The following ICA1 variants were observed in gnomAD, a reference collection of about 807,000 sequenced individuals.
ICA1 encodes 69 kDa islet cell autoantigen.
Under a neutral mutation model 71.0 loss-of-function variants are expected in ICA1, and 40 were observed. The observed-to-expected ratio is 0.56, with a 90% confidence interval of 0.44 to 0.73. The LOEUF is 0.73. Among genes scored for constraint, ICA1 ranks in the 30% least tolerant of loss-of-function variants. The pLI is 0.00. For synonymous variants in ICA1, 207 were observed against 209.5 expected (o/e 0.99, Z 0.10); for missense variants, 578 against 576.5 (o/e 1.00, Z -0.03).
At chr7:8,212,803 A>C (rs979985287) in intron 6 of ICA1, among the ~76,000 whole-genome samples, 1 of 152,142 alleles carries the variant, frequency 6.6e-6, no homozygotes. Context: ...TCTGCAAGTT[A>C]TCTGTTTCAT....
At position 8,173,305 on chromosome 7, in the gene ICA1, C is replaced by T. The variant is rs1213942348; in HGVS notation, c.580-14653G>A. On this transcript the variant is annotated intron_variant, in intron 6 of 13. Coordinates refer to ENST00000402384, the MANE Select transcript of ICA1 (RefSeq NM_001136020.3). The surrounding 1 kb of genome is among the most constrained non-coding windows in gnomAD (Gnocchi z 4.0). ...GGGGTCAAAAGGACTCAGGAGTCAA[C>T]CTAAGAGACTCCCACTAGCCAAAAA... Among the ~76,000 whole-genome samples, 2 of 152,074 alleles carry T rather than the reference C, an allele frequency of 1.3e-5. No homozygotes were observed. Among genetic ancestry groups the T allele is most frequent in the Non-Finnish European group, 2.9e-5 (2 of 67,990 alleles).
chr7:8,252,782 T>C (rs1045529585), intron 1 of ICA1, among the ~76,000 whole-genome samples: 1 of 151,696 alleles, frequency 6.6e-6, no homozygotes, highest in African/African-American at 2.4e-5. Context: ...ATTTTTTGCT[T>C]ATTTATTACT....
chr7:8,195,990 ACAACAACAACAC>A (rs1157295094), intron 6 of ICA1, among the ~76,000 whole-genome samples: 2 of 120,186 alleles, frequency 1.7e-5, no homozygotes, highest in East Asian at 2.5e-4. Context: ...AACAACAACA[ACAACAACAACAC>A]CAACACCAAC....
chr7:8,229,920 T>C (rs937998424), intron 3 of ICA1, among the ~76,000 whole-genome samples: 9 of 152,236 alleles, frequency 5.9e-5, no homozygotes, highest in African/African-American at 1.7e-4. Context: ...TTCCTGAATA[T>C]AGGAGCAAGG....
At chr7:8,251,277 A>G (rs1442572229) in intron 1 of ICA1, among the ~76,000 whole-genome samples, 1 of 151,914 alleles carries the variant, frequency 6.6e-6, no homozygotes, top group Non-Finnish European at 1.5e-5. Context: ...ATTAAGTTTA[A>G]TGACTCCCTA....
At chr7:8,118,333 A>G (rs1275919457) in intron 13 of ICA1, among the ~76,000 whole-genome samples, 1 of 152,250 alleles carries the variant, frequency 6.6e-6, no homozygotes, top group Non-Finnish European at 1.5e-5. Flanking sequence ...GAACATATAC[A>G]TAACAGAATT....
At chr7:8,152,485 C>T (rs1037072860) in intron 8 of ICA1, among the ~76,000 whole-genome samples, 1 of 151,688 alleles carries the variant, frequency 6.6e-6, no homozygotes, top group Admixed American at 6.6e-5. Context: ...CCACCACAAC[C>T]ATTACCGTCA....
rs1781703116 is a variant in ICA1, at chr7:8,179,920, G to A, written c.580-21268C>T. Reference sequence around the variant, plus strand: ...TAAAGGGCTTCTAAGTAACCATGTTGCTAAAACTCACTTTATTCTATGCTT... The same window carrying A: ...TAAAGGGCTTCTAAGTAACCATGTTACTAAAACTCACTTTATTCTATGCTT... On this transcript the variant is annotated intron_variant, in intron 6 of 13. Coordinates refer to ENST00000402384, the MANE Select transcript of ICA1 (RefSeq NM_001136020.3). Among the ~76,000 whole-genome samples, 5 of 152,126 alleles carry A rather than the reference G, an allele frequency of 3.3e-5. 1 individual carries two copies. In the South Asian group the frequency reaches 1.0e-3, roughly 32 times the overall value.
rs1343623086 is a variant in ICA1, at chr7:8,221,340, A to G, written c.315T>C (p.Asp105=). Residue 105 remains aspartate, a synonymous_variant, in exon 5 of 14, where the codon GAT becomes GAC. Transcript: ENST00000402384. ...GCATCATCTTTCCTGCTCTGGTTTT[A>G]TCTTGGAAACCTTGGGATCGAAGAA... ...GKFLRSQGFQ[D]KTRAGKMMQA... The G allele has an allele frequency of 6.2e-7, 1 of 1,613,566 alleles. No individual in the cohort carries two copies. Among genetic ancestry groups the G allele is most frequent in the Non-Finnish European group, 8.5e-7 (1 of 1,179,720 alleles).
At chr7:8,206,686 T>C (rs1039506874) in intron 6 of ICA1, among the ~76,000 whole-genome samples, 1 of 148,898 alleles carries the variant, frequency 6.7e-6, no homozygotes, top group Non-Finnish European at 1.5e-5. Flanking sequence ...CTGGAAGCAC[T>C]TGCGGTTGCC....
chr7:8,251,478 A>C (rs1227352286), intron 1 of ICA1, among the ~76,000 whole-genome samples: 1 of 148,982 alleles, frequency 6.7e-6, no homozygotes, highest in Non-Finnish European at 1.5e-5. Context: ...CCCCAGTCAC[A>C]AAAATAAAAA....
chr7:8,146,421 G>A (rs2128139733), intron 8 of ICA1, among the ~76,000 whole-genome samples: 1 of 152,302 alleles, frequency 6.6e-6, no homozygotes, highest in Non-Finnish European at 1.5e-5. Context: ...AAGAGTACAA[G>A]TCTTGAGACT....
At position 8,169,429 on chromosome 7, in the gene ICA1, A is replaced by G. The variant is rs1476913357; in HGVS notation, c.580-10777T>C. 2.6e-5 allele frequency among the ~76,000 whole-genome samples: 4 copies of G among 152,114 alleles called. No homozygotes were observed. The East Asian group carries it at 7.7e-4, about 29-fold the overall frequency. On this transcript the variant is annotated intron_variant, in intron 6 of 13. Transcript: ENST00000402384. The stretch of plus-strand genomic sequence containing the variant: ...GTAAGTGTGTGCTTAACTTTATAAG[A>G]CATTGCCAAACCATTTTCCAAAGTA...
chr7:8,114,435 G>A (rs1280525852), intron 13 of ICA1, among the ~76,000 whole-genome samples: 2 of 152,218 alleles, frequency 1.3e-5, no homozygotes, highest in African/African-American at 4.8e-5. Flanking sequence ...ACTGTCTGCT[G>A]GAGGAATCTT....
intron 1 of ICA1, among the ~76,000 whole-genome samples, chr7:8,236,544 A>G (rs1447777983): frequency 1.3e-5 from 2 of 152,216 alleles, no homozygotes; most frequent in Admixed American, 1.3e-4. Context: ...ATTTTTAAAG[A>G]AACAAACCAG....
intron 13 of ICA1, among the ~76,000 whole-genome samples, chr7:8,117,503 TGCA>T (rs761047663): frequency 6.6e-6 from 1 of 152,232 alleles, no homozygotes; most frequent in Non-Finnish European, 1.5e-5. Context: ...ATTGTATATA[TGCA>T]AGTCTTACCT....
intron 1 of ICA1, among the ~76,000 whole-genome samples, chr7:8,253,567 G>T (rs117827561): frequency 0.013 from 2,025 of 152,056 alleles, 13 homozygotes; most frequent in Non-Finnish European, 0.022. Context: ...CTATACACCA[G>T]TTTTTTTCAA....
intron 1 of ICA1, among the ~76,000 whole-genome samples, chr7:8,243,391 A>G (rs1338102784): frequency 2.0e-5 from 3 of 152,222 alleles, no homozygotes; most frequent in Admixed American, 6.5e-5. Flanking sequence ...AACTCTCAAT[A>G]AACTAGGTAT....
chr7:8,190,708 G>A (rs559821044), intron 6 of ICA1, among the ~76,000 whole-genome samples: 1 of 152,284 alleles, frequency 6.6e-6, no homozygotes, highest in South Asian at 2.1e-4. Context: ...ACATTTAAAA[G>A]GTTTTTAGCC....
Sources: gnomAD v4.1 joint callset for allele counts (sites outside exome capture counted in the v4.1 genomes callset) on GRCh38, gnomAD v4.1.1 for gene constraint, Gnocchi (gnomAD v3.1) non-coding constraint, MANE v1.5 for transcripts, NCBI Gene and HGNC (gene_info 2026-07-23, HGNC 2026-07-21) for gene names.